Variants in MKLN1 observed in about 807,000 individuals in gnomAD.
MKLN1 encodes muskelin.
A neutral mutation model predicts 99.0 loss-of-function variants in MKLN1; 18 were observed. That is an observed-to-expected ratio of 0.18 (90% CI 0.13 to 0.27). MKLN1 has a LOEUF of 0.27. MKLN1 is among the 10% of genes least tolerant of loss of function. MKLN1 has a pLI of 1.00. For synonymous variants in MKLN1, 288 were observed against 293.2 expected, an observed-to-expected ratio of 0.98 and a Z score of 0.18; for missense variants, 621 against 875.9, an observed-to-expected ratio of 0.71 and a Z score of 3.67.
intron 3 of MKLN1, among the ~76,000 whole-genome samples, chr7:131,238,376 A>G (rs1319928248): frequency 6.6e-6 from 1 of 152,208 alleles, no homozygotes; most frequent in East Asian, 1.9e-4. Flanking sequence ...TCACCCCGAA[A>G]CATTTATTGA....
intron 1 of MKLN1, among the ~76,000 whole-genome samples, chr7:131,350,736 A>G (rs1033315325): frequency 3.3e-5 from 5 of 152,192 alleles, no homozygotes; most frequent in African/African-American, 1.2e-4. Flanking sequence ...CCCTGAAATG[A>G]TGTCCCATCA....
At chr7:131,321,581 T>A (rs1798777090) in intron 3 of MKLN1, among the ~76,000 whole-genome samples, 2 of 152,174 alleles carry the variant, frequency 1.3e-5, no homozygotes. Context: ...GAATTTAAAG[T>A]AAAATTTAAA....
chr7:131,354,066 G>A lies in MKLN1; in HGVS notation c.99-21358G>A, dbSNP rs947268146. Among the ~76,000 whole-genome samples, 57 of 151,806 alleles carry A rather than the reference G, an allele frequency of 3.8e-4. 1 individual carries two copies. Among genetic ancestry groups the A allele is most frequent in the Non-Finnish European group, 1.0e-4 (7 of 67,948 alleles). On this transcript the variant is annotated intron_variant, in intron 1 of 17. Transcript: ENST00000352689. ...AGCTTTAATATTGTATAGAGTGATC[G>A]CTCTCATTTTATTCTCATTTAAATA...
intron 1 of MKLN1, among the ~76,000 whole-genome samples, chr7:131,132,083 G>A (rs1795560608): frequency 6.6e-6 from 1 of 152,120 alleles, no homozygotes; most frequent in Non-Finnish European, 1.5e-5. Flanking sequence ...ACATAATAGT[G>A]GGAAAAAGTG....
chr7:131,206,439 A>G (rs539296909), intron 3 of MKLN1, among the ~76,000 whole-genome samples: 1 of 152,240 alleles, frequency 6.6e-6, no homozygotes, highest in East Asian at 1.9e-4. Context: ...GAGCAGCAGT[A>G]TTAAACCAAA....
intron 3 of MKLN1, among the ~76,000 whole-genome samples, chr7:131,288,943 A>G (rs78213812): frequency 0.043 from 6,526 of 152,218 alleles, 458 homozygotes; most frequent in African/African-American, 0.15. Flanking sequence ...GCTGTTCACC[A>G]TCAAGTGCAG....
At chr7:131,195,766 C>T (rs10269927) in intron 2 of MKLN1, among the ~76,000 whole-genome samples, 17,069 of 152,014 alleles carry the variant, frequency 0.11, 1,057 homozygotes, top group Middle Eastern at 0.15. Context: ...GCCTGGCCAA[C>T]GTGGTGAAAC....
chr7:131,345,243 T>A (rs1799525208), intron 1 of MKLN1, among the ~76,000 whole-genome samples: 1 of 152,176 alleles, frequency 6.6e-6, no homozygotes, highest in African/African-American at 2.4e-5. Flanking sequence ...AGACCGGAAG[T>A]GTTTTGGATT....
At chr7:131,478,707 A>C (rs749001948) in intron 17 of MKLN1, 30 bp downstream of exon 17, 1 of 1,607,414 alleles carries the variant, frequency 6.2e-7, no homozygotes, top group South Asian at 1.1e-5. Context: ...TTATCCAGCT[A>C]GATGCCCTAG....
At chr7:131,121,049 C>A (rs78321226) in intron 1 of MKLN1, among the ~76,000 whole-genome samples, 2 of 152,096 alleles carry the variant, frequency 1.3e-5, no homozygotes, top group Non-Finnish European at 2.9e-5. Context: ...TGGAGCTGTA[C>A]AGGAAGCATA....
chr7:131,173,413 T>C (rs1283656395), intron 2 of MKLN1, among the ~76,000 whole-genome samples: 1 of 152,060 alleles, frequency 6.6e-6, no homozygotes, highest in Non-Finnish European at 1.5e-5. Flanking sequence ...ATAATGCAAA[T>C]TAGCTTTATA....
intron 10 of MKLN1, 70 bp from the exon 11 acceptor site, chr7:131,443,411 G>A: frequency 8.8e-7 from 1 of 1,135,478 alleles, no homozygotes; most frequent in Non-Finnish European, 1.3e-6. Context: ...AACTGTACAT[G>A]TTGGTTTTGT....
At chr7:131,445,714 T>G (rs1795993101) in intron 11 of MKLN1, 60 bp from the exon 12 acceptor site, 1 of 1,427,590 alleles carries the variant, frequency 7.0e-7, no homozygotes, top group African/African-American at 1.4e-5. Flanking sequence ...AAAGGATCAT[T>G]CTGAGTTCTT....
chr7:131,444,769 T>TAGA (rs1563352039), intron 11 of MKLN1, among the ~76,000 whole-genome samples: 5 of 53,786 alleles, frequency 9.3e-5, no homozygotes, highest in South Asian at 5.6e-4. Flanking sequence ...GAAGAAGTAG[T>TAGA]AGTAGTAGTA....
intron 1 of MKLN1, among the ~76,000 whole-genome samples, chr7:131,133,892 C>T (rs1243766838): frequency 8.4e-6 from 1 of 118,682 alleles, no homozygotes; most frequent in African/African-American, 3.2e-5. Context: ...CACAATGGTG[C>T]AATCTCGGCT....
intron 2 of MKLN1, among the ~76,000 whole-genome samples, chr7:131,160,496 ATT>A (rs1468665717): frequency 2.3e-4 from 9 of 39,494 alleles, no homozygotes; most frequent in South Asian, 6.9e-4. Flanking sequence ...ATTATTAATT[ATT>A]ATTATTATTA....
At chr7:131,139,334 A>G in intron 1 of MKLN1, among the ~76,000 whole-genome samples, 1 of 149,040 alleles carries the variant, frequency 6.7e-6, no homozygotes, top group African/African-American at 2.5e-5. Flanking sequence ...CTGCTCTTGG[A>G]CTCCCCCCGT....
chr7:131,301,300 T>C (rs980797674), intron 3 of MKLN1, among the ~76,000 whole-genome samples: 4 of 152,164 alleles, frequency 2.6e-5, no homozygotes, highest in Non-Finnish European at 5.9e-5. Flanking sequence ...AAACATTCAG[T>C]TGGATGAAAC....
At chr7:131,307,279 C>T (rs1377913397) in intron 3 of MKLN1, among the ~76,000 whole-genome samples, 1 of 152,154 alleles carries the variant, frequency 6.6e-6, no homozygotes, top group African/African-American at 2.4e-5. Context: ...AAGTCTGCTG[C>T]AGGGGTAGTG....
Sources: allele counts gnomAD v4.1 joint callset (sites outside exome capture counted in the v4.1 genomes callset), GRCh38; gene constraint gnomAD v4.1.1; transcripts MANE v1.5; gene names NCBI Gene and HGNC (gene_info 2026-07-23, HGNC 2026-07-21).